PLEKHH2: variants seen among roughly 807,000 people sequenced by gnomAD.
The protein encoded by PLEKHH2 is pleckstrin homology domain-containing family H member 2.
A neutral mutation model predicts 187.9 loss-of-function variants in PLEKHH2; 129 were observed. The ratio of observed to expected loss-of-function variants is 0.69; its 90% confidence interval spans 0.59 to 0.79. The LOEUF (loss-of-function observed/expected upper bound fraction) is 0.79, where lower values mean the gene tolerates loss of function less well. Among genes scored for constraint, PLEKHH2 ranks in the 30% least tolerant of loss-of-function variants. PLEKHH2 has a pLI of 0.00. For missense variants in PLEKHH2, 2,076 were observed against 1,751.2 expected, an observed-to-expected ratio of 1.19 and a Z score of -3.31; for synonymous variants, 686 against 605.6, an observed-to-expected ratio of 1.13 and a Z score of -1.95.
At chr2:43,757,839 C>T (rs976427538) in intron 26 of PLEKHH2, among the ~76,000 whole-genome samples, 2 of 151,306 alleles carry the variant, frequency 1.3e-5, no homozygotes, top group African/African-American at 4.9e-5. Context: ...CCAGAACAAC[C>T]CTGATAATAA....
chr2:43,764,420 T>G, intron 29 of PLEKHH2, 55 bp downstream of exon 29: 1 of 1,544,878 alleles, frequency 6.5e-7, no homozygotes, highest in Non-Finnish European at 8.8e-7. Flanking sequence ...CACTTAGTCT[T>G]AGCCAGAAGG....
intron 3 of PLEKHH2, among the ~76,000 whole-genome samples, chr2:43,689,872 A>G (rs2104457592): frequency 6.6e-6 from 1 of 152,338 alleles, no homozygotes; most frequent in South Asian, 2.1e-4. Context: ...GTTCCAAACC[A>G]TAGTTTTTCA....
intron 9 of PLEKHH2, among the ~76,000 whole-genome samples, chr2:43,705,251 C>CTTTTTTTTTT (rs5830767): frequency 2.0e-4 from 19 of 95,858 alleles, no homozygotes; most frequent in Non-Finnish European, 2.7e-4. Flanking sequence ...AAATTTTATC[C>CTTTTTTTTTT]TTTTTTTTTT....
rs1197704944 is a variant in PLEKHH2 at position 43,700,391 on chromosome 2, T to C, written c.1433T>C (p.Met478Thr). 6.2e-6 allele frequency: 10 copies of C among 1,614,172 alleles called. No individual in the cohort carries two copies. The highest frequency in any genetic ancestry group is 8.5e-6 in the Non-Finnish European group (10 of 1,180,032). Residue 478 changes from methionine to threonine, a missense_variant, in exon 8 of 30, where the codon ATG becomes ACG. Transcript: ENST00000282406. The part of the protein sequence containing the change: ...MFGTNRNAIS[M>T]IRPLRPQETD... ...GGTACAAATAGAAACGCTATAAGCATGATACGACCACTGAGACCTCAGGAA... is the reference window on the plus strand; with the variant it reads ...GGTACAAATAGAAACGCTATAAGCACGATACGACCACTGAGACCTCAGGAA...
intron 16 of PLEKHH2, among the ~76,000 whole-genome samples, chr2:43,725,145 G>A (rs1035500528): frequency 6.6e-6 from 1 of 152,172 alleles, no homozygotes; most frequent in African/African-American, 2.4e-5. Context: ...TTGGAACCAG[G>A]TGTGCTATCT....
chr2:43,697,910 C>G (rs1669165848), intron 7 of PLEKHH2, among the ~76,000 whole-genome samples: 1 of 152,030 alleles, frequency 6.6e-6, no homozygotes, highest in Non-Finnish European at 1.5e-5. Flanking sequence ...AACCCTGGTC[C>G]TGTATACAGA....
intron 28 of PLEKHH2, among the ~76,000 whole-genome samples, chr2:43,763,251 T>C (rs1355245328): frequency 6.6e-6 from 1 of 152,112 alleles, no homozygotes; most frequent in East Asian, 1.9e-4. Flanking sequence ...TTCAGAAAAC[T>C]AGCTCCCTAG....
Position 43,696,412 on chromosome 2 carries a change from C to T in PLEKHH2, c.503-759C>T, listed in dbSNP as rs114677284. 8.4e-3 allele frequency among the ~76,000 whole-genome samples: 1,259 copies of T among 149,664 alleles called. 22 individuals carry two copies. The highest frequency in any genetic ancestry group is 0.03 in the African/African-American group (1,210 of 40,662). On this transcript the variant is annotated intron_variant, in intron 6 of 29. Coordinates refer to ENST00000282406, the MANE Select transcript of PLEKHH2 (RefSeq NM_172069.4). ...GTGAGGTGGGAGGATCACTTGAGCC[C>T]GGGAGTTTGGGGCTGCAGTGAGCCA...
At chr2:43,740,300 T>G (rs7369594) in intron 20 of PLEKHH2, among the ~76,000 whole-genome samples, 1 of 152,192 alleles carries the variant, frequency 6.6e-6, no homozygotes, top group African/African-American at 2.4e-5. Context: ...AAAAAATTTT[T>G]TTGTTGTTTG....
chr2:43,657,503 G>A (rs1366370028), intron 2 of PLEKHH2, among the ~76,000 whole-genome samples: 1 of 152,192 alleles, frequency 6.6e-6, no homozygotes, highest in African/African-American at 2.4e-5. Flanking sequence ...TTCAGGCCCA[G>A]TCTCAAAAGG....
intron 17 of PLEKHH2, among the ~76,000 whole-genome samples, chr2:43,727,152 G>C (rs186090286): frequency 6.6e-6 from 1 of 152,174 alleles, no homozygotes; most frequent in Non-Finnish European, 1.5e-5. Flanking sequence ...GGTGACTCAC[G>C]TCTGTAATCC....
chr2:43,682,408 G>C (rs1668239315), intron 3 of PLEKHH2, among the ~76,000 whole-genome samples: 1 of 152,064 alleles, frequency 6.6e-6, no homozygotes, highest in South Asian at 2.1e-4. Flanking sequence ...CTGAGTTCAA[G>C]CGATTCTCCT....
intron 2 of PLEKHH2, among the ~76,000 whole-genome samples, chr2:43,670,474 GA>G (rs535837682): frequency 3.3e-5 from 5 of 151,684 alleles, no homozygotes; most frequent in African/African-American, 9.7e-5. Flanking sequence ...AATAAAAATT[GA>G]AAAAAAATTG....
At chr2:43,685,187 C>T (rs1668440016) in intron 3 of PLEKHH2, among the ~76,000 whole-genome samples, 1 of 152,174 alleles carries the variant, frequency 6.6e-6, no homozygotes, top group African/African-American at 2.4e-5. Flanking sequence ...TGTCCTAAGA[C>T]TCAAACAACT....
At chr2:43,651,814 A>G (rs540399084) in intron 2 of PLEKHH2, among the ~76,000 whole-genome samples, 3 of 152,352 alleles carry the variant, frequency 2.0e-5, no homozygotes, top group African/African-American at 4.8e-5. Flanking sequence ...TGTATTTGAA[A>G]GTTCCTGGTT....
chr2:43,720,543 A>G (rs879756646), intron 15 of PLEKHH2, 126 bp from the exon 16 acceptor site: 6 of 1,451,630 alleles, frequency 4.1e-6, no homozygotes, highest in African/African-American at 1.4e-5. Context: ...TGGACAATCT[A>G]TTTGGAATAT....
intron 13 of PLEKHH2, 51 bp downstream of exon 13, chr2:43,710,381 C>A: frequency 6.3e-7 from 1 of 1,590,722 alleles, no homozygotes; most frequent in South Asian, 1.1e-5. Flanking sequence ...AACTATAAAT[C>A]AGACGCCTGA....
intron 3 of PLEKHH2, among the ~76,000 whole-genome samples, chr2:43,687,708 A>T (rs1668587993): frequency 6.6e-6 from 1 of 151,910 alleles, no homozygotes; most frequent in Non-Finnish European, 1.5e-5. Flanking sequence ...GTATCTCATT[A>T]TTGTTTGATT....
rs1672548681 is a variant in PLEKHH2 at position 43,764,435 on chromosome 2, A to G, written c.4296+70A>G. 3 of 1,466,426 alleles carry G rather than the reference A, an allele frequency of 2.0e-6. No homozygotes were observed. The African/African-American group carries it at 4.3e-5, about 21-fold the overall frequency. 90.8% of individuals were successfully genotyped at this position (1,466,426 alleles called of 1,614,324 possible). On this transcript the variant is annotated intron_variant, in intron 29 of 29. Coordinates refer to ENST00000282406, the MANE Select transcript of PLEKHH2 (RefSeq NM_172069.4). ...CACTTAGTCTTAGCCAGAAGGCCAA[A>G]AAGCAATGCTAATTGTTTTCATATT... is the stretch of plus-strand genomic sequence containing the variant.
Sources: gnomAD v4.1 joint callset for allele counts (sites outside exome capture counted in the v4.1 genomes callset) on GRCh38, gnomAD v4.1.1 for gene constraint, MANE v1.5 for transcripts, NCBI Gene and HGNC (gene_info 2026-07-23, HGNC 2026-07-21) for gene names.